GRIA1: variants seen among roughly 807,000 people sequenced by gnomAD.
The protein encoded by GRIA1 is glutamate ionotropic receptor AMPA type subunit 1, also known as glutamate receptor 1.
GRIA1 carries 31 observed loss-of-function variants against 99.2 expected under a neutral mutation model. That is an observed-to-expected ratio of 0.31 (90% CI 0.23 to 0.42). The LOEUF (loss-of-function observed/expected upper bound fraction) is 0.42. Among genes scored for constraint, GRIA1 ranks in the 10% least tolerant of loss-of-function variants. GRIA1 has a pLI of 1.00. For synonymous variants in GRIA1, 438 were observed against 432.4 expected (o/e 1.01, Z -0.16); for missense variants, 782 against 1,157.5 (o/e 0.68, Z 4.71).
chr5:153,544,357 A>G (rs1189740030), intron 2 of GRIA1, among the ~76,000 whole-genome samples: 3 of 152,156 alleles, frequency 2.0e-5, no homozygotes, highest in African/African-American at 7.2e-5. Context: ...TCTATTCTCC[A>G]TTCAACCATC....
At chr5:153,522,813 G>T (rs1757270072) in intron 2 of GRIA1, among the ~76,000 whole-genome samples, 1 of 152,148 alleles carries the variant, frequency 6.6e-6, no homozygotes, top group African/African-American at 2.4e-5. Flanking sequence ...CCATGTAACT[G>T]CAAAATTGGG....
intron 5 of GRIA1, among the ~76,000 whole-genome samples, chr5:153,657,727 T>C (rs1283704855): frequency 6.6e-6 from 1 of 152,176 alleles, no homozygotes; most frequent in Non-Finnish European, 1.5e-5. Flanking sequence ...TTCCCCTTCT[T>C]CAACTAACTT....
intron 11 of GRIA1, among the ~76,000 whole-genome samples, chr5:153,737,824 G>C (rs1761489454): frequency 6.6e-6 from 1 of 152,174 alleles, no homozygotes; most frequent in Non-Finnish European, 1.5e-5. Context: ...CCTTGTCCAT[G>C]GTTAATGCAG....
chr5:153,714,800 C>T (rs1759551187), intron 11 of GRIA1, among the ~76,000 whole-genome samples: 1 of 152,252 alleles, frequency 6.6e-6, no homozygotes, highest in African/African-American at 2.4e-5. Flanking sequence ...ACACCACTTA[C>T]ATATGCTTTT....
intron 11 of GRIA1, among the ~76,000 whole-genome samples, chr5:153,729,643 T>A (rs1760865989): frequency 6.6e-6 from 1 of 152,066 alleles, no homozygotes; most frequent in Non-Finnish European, 1.5e-5. Flanking sequence ...TTTCATCTTG[T>A]GAATTTTCCA....
intron 5 of GRIA1, among the ~76,000 whole-genome samples, chr5:153,671,516 T>C (rs1756172482): frequency 6.6e-6 from 1 of 152,228 alleles, no homozygotes; most frequent in Non-Finnish European, 1.5e-5. Context: ...TCACCTTTAC[T>C]AATGGCTTGC....
chr5:153,719,137 A>G (rs768142403), intron 11 of GRIA1, among the ~76,000 whole-genome samples: 1 of 152,144 alleles, frequency 6.6e-6, no homozygotes, highest in Non-Finnish European at 1.5e-5. Context: ...CTTTGCAGGA[A>G]TTGTAAATAT....
chr5:153,711,596 A>C (rs796662744), intron 11 of GRIA1, among the ~76,000 whole-genome samples: 1 of 152,136 alleles, frequency 6.6e-6, no homozygotes, highest in African/African-American at 2.4e-5. Flanking sequence ...CCAGAGAGGG[A>C]GGGAAAGACA....
chr5:153,693,561 A>C (rs1018621087), intron 8 of GRIA1, among the ~76,000 whole-genome samples: 2 of 152,196 alleles, frequency 1.3e-5, no homozygotes, highest in Non-Finnish European at 2.9e-5. Context: ...TTTCAGTTCT[A>C]TGATCATCTC....
At position 153,744,362 on chromosome 5, in the gene GRIA1, A is replaced by C. The variant is rs558392189; in HGVS notation, c.1824-20072A>C. On this transcript the variant is annotated intron_variant, in intron 11 of 15. Coordinates refer to ENST00000285900, the MANE Select transcript of GRIA1 (RefSeq NM_000827.4). ...CTATAACAAATGCTTTCCTGAGTAAAGATTCTGAGGAAACATGATTTAATG... is the reference window on the plus strand; with the variant it reads ...CTATAACAAATGCTTTCCTGAGTAACGATTCTGAGGAAACATGATTTAATG... Among the ~76,000 whole-genome samples, 18 of 152,346 alleles carry C rather than the reference A, an allele frequency of 1.2e-4. No individual in the cohort carries two copies. In the South Asian group the frequency reaches 3.3e-3, roughly 28 times the overall value.
chr5:153,509,323 A>C (rs1335861113), intron 2 of GRIA1, among the ~76,000 whole-genome samples: 1 of 152,212 alleles, frequency 6.6e-6, no homozygotes, highest in Non-Finnish European at 1.5e-5. Context: ...GAATGAAAGT[A>C]AAGTATGGGG....
chr5:153,757,184 A>T (rs958248797), intron 11 of GRIA1, among the ~76,000 whole-genome samples: 4 of 152,220 alleles, frequency 2.6e-5, no homozygotes, highest in Non-Finnish European at 5.9e-5. Context: ...AAACAGCAGA[A>T]GTTAATAAGG....
intron 10 of GRIA1, among the ~76,000 whole-genome samples, chr5:153,704,077 A>G (rs1758719181): frequency 6.6e-6 from 1 of 152,248 alleles, no homozygotes; most frequent in South Asian, 2.1e-4. Flanking sequence ...TAATTAATGG[A>G]AAGTTTCTTT....
chr5:153,563,685 A>C (rs1460577768), intron 2 of GRIA1, among the ~76,000 whole-genome samples: 1 of 152,224 alleles, frequency 6.6e-6, no homozygotes, highest in African/African-American at 2.4e-5. Context: ...TGGAATGTAC[A>C]GTCAGTCAAT....
intron 2 of GRIA1, among the ~76,000 whole-genome samples, chr5:153,590,271 T>C (rs1581278197): frequency 6.6e-6 from 1 of 152,156 alleles, no homozygotes; most frequent in Non-Finnish European, 1.5e-5. Flanking sequence ...CAAGAAAGTG[T>C]TGCATTATGG....
chr5:153,626,403 C>CT (rs1767608732), intron 2 of GRIA1, among the ~76,000 whole-genome samples: 1 of 151,378 alleles, frequency 6.6e-6, no homozygotes, highest in African/African-American at 2.4e-5. Flanking sequence ...TCTGCTCTCT[C>CT]TATGTGGAGA....
intron 4 of GRIA1, among the ~76,000 whole-genome samples, chr5:153,651,201 C>T (rs768878354): frequency 6.6e-6 from 1 of 152,240 alleles, no homozygotes; most frequent in Non-Finnish European, 1.5e-5. Context: ...CTCTGTCACT[C>T]ATGATCCAGG....
At chr5:153,614,735 A>C (rs1368656532) in intron 2 of GRIA1, among the ~76,000 whole-genome samples, 1 of 152,252 alleles carries the variant, frequency 6.6e-6, no homozygotes, top group East Asian at 1.9e-4. Flanking sequence ...CTTTCTATGC[A>C]AACAGAGAGC....
chr5:153,701,850 G>C (rs1758557329), intron 10 of GRIA1, among the ~76,000 whole-genome samples: 1 of 152,012 alleles, frequency 6.6e-6, no homozygotes, highest in African/African-American at 2.4e-5. Context: ...AAGTCGATCA[G>C]GCTCTCTCTT....
Sources: gnomAD v4.1 joint callset for allele counts (sites outside exome capture counted in the v4.1 genomes callset) on GRCh38, gnomAD v4.1.1 for gene constraint, MANE v1.5 for transcripts, NCBI Gene and HGNC (gene_info 2026-07-23, HGNC 2026-07-21) for gene names.